NRG1: variants seen among roughly 807,000 people sequenced by gnomAD.
NRG1 encodes the protein neuregulin 1, also known as pro-neuregulin-1, membrane-bound isoform.
In NRG1, 18 loss-of-function variants were observed where a neutral mutation model predicts 63.8. That is an observed-to-expected ratio of 0.28 (90% CI 0.19 to 0.42). The LOEUF (loss-of-function observed/expected upper bound fraction) is 0.42, where lower values mean the gene tolerates loss of function less well. NRG1 is among the 10% of genes least tolerant of loss of function. The probability of loss-of-function intolerance (pLI) is 1.00; values close to 1 mark genes in which losing one functional copy is unlikely to be tolerated. For synonymous variants in NRG1, 302 were observed against 301.3 expected, an observed-to-expected ratio of 1.00 and a Z score of -0.02; for missense variants, 762 against 814.7, an observed-to-expected ratio of 0.94 and a Z score of 0.79.
chr8:32,125,759 A>G (rs1377832476), intron 1 of NRG1, among the ~76,000 whole-genome samples: 3 of 151,858 alleles, frequency 2.0e-5, no homozygotes, highest in South Asian at 2.1e-4. Flanking sequence ...GATAAGAAAG[A>G]TCTCCTTTTT....
chr8:32,721,582 A>G (rs1820649915), intron 5 of NRG1, among the ~76,000 whole-genome samples: 1 of 152,174 alleles, frequency 6.6e-6, no homozygotes, highest in East Asian at 1.9e-4. Flanking sequence ...CATTACTTCC[A>G]GTCACTGTAT....
chr8:32,253,245 G>T (rs1161176738), intron 1 of NRG1, among the ~76,000 whole-genome samples: 1 of 152,116 alleles, frequency 6.6e-6, no homozygotes, highest in Non-Finnish European at 1.5e-5. Flanking sequence ...GAATAGGAGT[G>T]GTGACAGAGG....
At chr8:32,516,026 T>C (rs1829786974) in intron 1 of NRG1, among the ~76,000 whole-genome samples, 1 of 152,220 alleles carries the variant, frequency 6.6e-6, no homozygotes, top group African/African-American at 2.4e-5. Context: ...GGTTTTCTTC[T>C]AGGATTTTAA....
At chr8:32,593,038 G>A (rs998231881) in intron 1 of NRG1, among the ~76,000 whole-genome samples, 2 of 152,126 alleles carry the variant, frequency 1.3e-5, no homozygotes, top group Non-Finnish European at 2.9e-5. Context: ...TTATTCATCA[G>A]GTGAAAGTGG....
intron 1 of NRG1, among the ~76,000 whole-genome samples, chr8:31,906,552 G>C (rs572243741): frequency 3.9e-5 from 6 of 152,228 alleles, no homozygotes; most frequent in Admixed American, 3.9e-4. Flanking sequence ...CAATATCCCA[G>C]TATATTCTTT....
At chr8:32,526,702 T>A (rs1402570879) in intron 1 of NRG1, among the ~76,000 whole-genome samples, 1 of 152,216 alleles carries the variant, frequency 6.6e-6, no homozygotes. Flanking sequence ...TCCAGTGAAC[T>A]ATCCCAAGTG....
intron 1 of NRG1, among the ~76,000 whole-genome samples, chr8:31,780,943 CAATT>C (rs1819626675): frequency 6.6e-6 from 1 of 152,180 alleles, no homozygotes; most frequent in Non-Finnish European, 1.5e-5. Context: ...ATTCTACCGA[CAATT>C]GAGTGGGAAA....
At chr8:32,250,878 G>T (rs1233847053) in intron 1 of NRG1, among the ~76,000 whole-genome samples, 1 of 151,834 alleles carries the variant, frequency 6.6e-6, no homozygotes, top group Non-Finnish European at 1.5e-5. Context: ...AATGTAATTT[G>T]CAGACATGTA....
At chr8:32,358,969 G>C (rs1026027033) in intron 1 of NRG1, among the ~76,000 whole-genome samples, 4 of 152,064 alleles carry the variant, frequency 2.6e-5, no homozygotes, top group African/African-American at 9.7e-5. Flanking sequence ...GGTAGGGTTT[G>C]TTTTGTTTTG....
chr8:31,719,597 C>A (rs573624106), intron 1 of NRG1, among the ~76,000 whole-genome samples: 1 of 152,266 alleles, frequency 6.6e-6, no homozygotes, highest in African/African-American at 2.4e-5. Flanking sequence ...AGCATCAAAT[C>A]GCTGCGGTTA....
chr8:32,223,268 T>TA (rs1363601983), intron 1 of NRG1, among the ~76,000 whole-genome samples: 1 of 152,236 alleles, frequency 6.6e-6, no homozygotes, highest in African/African-American at 2.4e-5. Flanking sequence ...AACTGGAAAT[T>TA]ACTGTGCAGC....
chr8:32,008,311 A>G (rs74560912), intron 1 of NRG1, among the ~76,000 whole-genome samples: 5,628 of 152,082 alleles, frequency 0.037, 334 homozygotes, highest in African/African-American at 0.13. Flanking sequence ...ACTGAGGCCC[A>G]GACACCAAGG....
intron 1 of NRG1, among the ~76,000 whole-genome samples, chr8:32,404,585 CT>C (rs35437908): frequency 0.16 from 18,583 of 116,758 alleles, 1,570 homozygotes; most frequent in Admixed American, 0.28. Flanking sequence ...TCTTCTTCAT[CT>C]TTTTTTTTTT....
intron 1 of NRG1, among the ~76,000 whole-genome samples, chr8:32,228,890 G>T (rs1846610798): frequency 6.6e-6 from 1 of 152,136 alleles, no homozygotes; most frequent in Non-Finnish European, 1.5e-5. Context: ...TGAGTCTCTT[G>T]TTTGTGAAAC....
chr8:32,632,465 C>T (rs896728166), intron 5 of NRG1, among the ~76,000 whole-genome samples: 1 of 148,458 alleles, frequency 6.7e-6, no homozygotes, highest in Admixed American at 6.9e-5. Flanking sequence ...AGGAGAATTG[C>T]TTGAACCTGG....
At chr8:32,707,270 T>C (rs1353702135) in intron 5 of NRG1, among the ~76,000 whole-genome samples, 1 of 152,078 alleles carries the variant, frequency 6.6e-6, no homozygotes, top group East Asian at 1.9e-4. Context: ...ACCTTAGTAG[T>C]TGTAACAATA....
At chr8:32,102,582 A>C (rs1830714663) in intron 1 of NRG1, among the ~76,000 whole-genome samples, 1 of 152,214 alleles carries the variant, frequency 6.6e-6, no homozygotes, top group Non-Finnish European at 1.5e-5. Flanking sequence ...AATTGTGCCA[A>C]GTGCCATGAT....
intron 1 of NRG1, among the ~76,000 whole-genome samples, chr8:32,402,146 G>A (rs953597203): frequency 1.4e-4 from 21 of 152,220 alleles, no homozygotes; most frequent in African/African-American, 4.6e-4. Flanking sequence ...CTCCTAACCT[G>A]AGGTGATCTG....
intron 1 of NRG1, among the ~76,000 whole-genome samples, chr8:32,298,056 G>A (rs1855105461): frequency 1.3e-5 from 2 of 152,240 alleles, no homozygotes; most frequent in Non-Finnish European, 2.9e-5. Flanking sequence ...CAATGCATAT[G>A]CAATAGCATT....
Sources: gnomAD v4.1 joint callset for allele counts (sites outside exome capture counted in the v4.1 genomes callset) on GRCh38, gnomAD v4.1.1 for gene constraint, MANE v1.5 for transcripts, NCBI Gene and HGNC (gene_info 2026-07-23, HGNC 2026-07-21) for gene names.